ROS1: variants seen among roughly 807,000 people sequenced by gnomAD.
The protein encoded by ROS1 is proto-oncogene tyrosine-protein kinase ROS.
ROS1 carries 263 observed loss-of-function variants against 273.5 expected under a neutral mutation model. The observed-to-expected ratio is 0.96, with a 90% CI of 0.87 to 1.06. ROS1 has a LOEUF of 1.06. ROS1 is among the 50% of genes least tolerant of loss of function. The pLI, the probability that ROS1 is intolerant of heterozygous loss-of-function variation, is 0.00. For synonymous variants in ROS1, 1,008 were observed against 954.1 expected (o/e 1.06, Z -1.04); for missense variants, 2,833 against 2,751.1 (o/e 1.03, Z -0.67).
chr6:117,313,185 G>A (rs977926762), intron 39 of ROS1, among the ~76,000 whole-genome samples: 4 of 152,134 alleles, frequency 2.6e-5, no homozygotes, highest in Admixed American at 6.5e-5. Context: ...TTATCTGGAA[G>A]GCAGCACATT....
intron 18 of ROS1, among the ~76,000 whole-genome samples, chr6:117,369,699 A>C (rs554411907): frequency 1.3e-5 from 2 of 152,272 alleles, no homozygotes; most frequent in African/African-American, 4.8e-5. Flanking sequence ...TTGTTTTGGC[A>C]ATCAGATTGT....
intron 42 of ROS1, among the ~76,000 whole-genome samples, chr6:117,302,700 T>C (rs1016829863): frequency 6.6e-6 from 1 of 152,154 alleles, no homozygotes; most frequent in Non-Finnish European, 1.5e-5. Context: ...TCACCCAATA[T>C]AGGAAACAAA....
chr6:117,405,357 C>T (rs1169442863), intron 5 of ROS1, among the ~76,000 whole-genome samples: 1 of 152,204 alleles, frequency 6.6e-6, no homozygotes, highest in Non-Finnish European at 1.5e-5. Context: ...AGGCCTAGCA[C>T]AACCCTTCTC....
chr6:117,340,706 G>T (rs1027164179), intron 31 of ROS1, among the ~76,000 whole-genome samples: 2 of 152,088 alleles, frequency 1.3e-5, no homozygotes, highest in African/African-American at 2.4e-5. Context: ...GAATAAGCTG[G>T]TTTTATGGTT....
rs565270225 is a variant in ROS1 at position 117,398,526 on chromosome 6, A to G, written c.605-1410T>C. 2.0e-5 allele frequency among the ~76,000 whole-genome samples: 3 copies of G among 152,154 alleles called. No homozygotes were observed. The East Asian group carries it at 5.8e-4, about 29-fold the overall frequency. ...AAAACCCATCTCTACTAAAATTACA[A>G]AAATTAGCCAGGCATGGTGGCGCAT... On this transcript the variant is annotated intron_variant, in intron 7 of 43. Coordinates refer to ENST00000368507, the MANE Select transcript of ROS1 (RefSeq NM_001378902.1).
chr6:117,328,874 C>T lies in ROS1; in HGVS notation c.5348+455G>A, dbSNP rs185769004. The T allele has an allele frequency of 1.9e-3, 1,142 of 612,846 alleles. 4 individuals carry two copies. Among genetic ancestry groups the T allele is most frequent in the Non-Finnish European group, 3.1e-3 (955 of 308,958 alleles). 38.0% of individuals were successfully genotyped at this position (612,846 alleles called of 1,614,324 possible). On this transcript the variant is annotated intron_variant, in intron 33 of 43. Transcript: ENST00000368507. ...AATACAGAATCCTGTGTGACCTCTA[C>T]ACTTCAGACCATTTCAGAACCTGAC...
At chr6:117,408,371 A>C (rs935029542) in intron 5 of ROS1, among the ~76,000 whole-genome samples, 11 of 152,208 alleles carry the variant, frequency 7.2e-5, no homozygotes, top group African/African-American at 2.7e-4. Context: ...TTACAAGAAA[A>C]AAACAAACAA....
chr6:117,425,711 A>G lies in ROS1; in HGVS notation c.-55T>C, dbSNP rs1473265015. ...CCGGTCTAATTTTCTCCATTTTGCT[A>G]TATGAATTATTTGGGCTTCATCACT... On this transcript the variant is annotated 5_prime_UTR_variant, in exon 1 of 44. Coordinates refer to ENST00000368507, the MANE Select transcript of ROS1 (RefSeq NM_001378902.1). 20 of 1,593,680 alleles carry G rather than the reference A, an allele frequency of 1.3e-5. No individual in the cohort carries two copies. The highest frequency in any genetic ancestry group is 2.2e-5 in the East Asian group (1 of 44,452).
In ROS1 at chr6:117,379,059, C is replaced by T. The variant is rs979014772; in HGVS notation, c.2582G>A (p.Ser861Asn). The change falls in exon 18 of 44, where the codon AGC becomes AAC. Residue 861 changes from serine (S) to asparagine (N), a missense_variant and splice_region_variant. Coordinates refer to ENST00000368507, the MANE Select transcript of ROS1 (RefSeq NM_001378902.1). ...HLYTAVLRGQ[S>N]TGDTTITEFA... ...ATTGCCTTTGAGGGACTCTACTTAC[C>T]TCTGTCCCCGAAGAACAGCTGTGTA... 3.1e-6 allele frequency: 5 copies of T among 1,595,610 alleles called. No individual in the cohort carries two copies. In the African/African-American group the frequency reaches 4.0e-5, roughly 13 times the overall value.
chr6:117,321,517 A>C (rs560744727), intron 35 of ROS1, 123 bp from the exon 36 acceptor site: 108 of 774,646 alleles, frequency 1.4e-4, no homozygotes, highest in Non-Finnish European at 2.0e-4. Flanking sequence ...ATAGTTATAG[A>C]AGTTTTCATA....
At chr6:117,402,515 A>G (rs780246687) in intron 7 of ROS1, among the ~76,000 whole-genome samples, 36 of 152,266 alleles carry the variant, frequency 2.4e-4, no homozygotes, top group Non-Finnish European at 4.4e-4. Flanking sequence ...TCCTCTTACT[A>G]TAGCACACAG....
At position 117,320,025 on chromosome 6, in the gene ROS1, A is replaced by G; in HGVS notation, c.5765T>C (p.Leu1922Pro). The change falls in exon 37 of 44, where the codon CTT (leucine) becomes CCT (proline). Residue 1922 changes from leucine to proline, a missense_variant. Transcript: ENST00000368507. ...ATTTTCAATCTCCTCTTGGGTTGGA[A>G]GAGTACTGTAAAATAGCAACATTTT... ...LANACYAIHT[L>P]PTQEEIENLP... The G allele has an allele frequency of 6.2e-7, 1 of 1,612,990 alleles. No individual in the cohort carries two copies. Among genetic ancestry groups the G allele is most frequent in the Non-Finnish European group, 8.5e-7 (1 of 1,179,372 alleles).
Position 117,389,381 on chromosome 6 carries a change from T to C in ROS1, c.1755A>G (p.Gln585=), listed in dbSNP as rs766793201. The C allele has an allele frequency of 7.4e-6, 12 of 1,613,920 alleles. No individual in the cohort carries two copies. The highest frequency in any genetic ancestry group is 1.6e-4 in the Middle Eastern group (1 of 6,084). ...CTATGGCAAGGGCAGGAGGCTTCCA[T>C]TGAACAAGAGCCTGGTGAGAGCCAA... ...VLFGSHQALV[Q]WKPPALAIGA... Residue 585 remains glutamine (Q), a synonymous_variant, in exon 13 of 44, where the codon CAA becomes CAG. Coordinates refer to ENST00000368507, the MANE Select transcript of ROS1 (RefSeq NM_001378902.1).
chr6:117,370,269 C>T (rs1315111375), intron 18 of ROS1, among the ~76,000 whole-genome samples: 2 of 152,196 alleles, frequency 1.3e-5, no homozygotes, highest in Non-Finnish European at 2.9e-5. Flanking sequence ...TTGCAGAGCA[C>T]TGACACATCC....
At chr6:117,405,131 TA>T (rs1330280577) in intron 5 of ROS1, among the ~76,000 whole-genome samples, 2 of 152,212 alleles carry the variant, frequency 1.3e-5, no homozygotes, top group Non-Finnish European at 2.9e-5. Flanking sequence ...TGCTTTCTTT[TA>T]TAGAAACAAA....
In ROS1 at chr6:117,425,584, C is replaced by T. The variant is rs776025396; in HGVS notation, c.73G>A (p.Val25Met). 6.2e-7 allele frequency: 1 copy of T among 1,612,426 alleles called. No homozygotes were observed. The highest frequency in any genetic ancestry group is 1.1e-5 in the South Asian group (1 of 90,548). Residue 25 changes from valine (V) to methionine (M), a missense_variant, in exon 1 of 44, where the codon GTG (valine) becomes ATG (methionine). Val to Met is a conservative substitution (Grantham distance 21). Transcript: ENST00000368507. ...ATLGCLWISVVQCTVLNSCLK... is the reference protein window; with the variant it reads ...ATLGCLWISVMQCTVLNSCLK... ...CAGCTATTTAAAACTGTACACTGCACCACAGAAATCCATAGGCAGCCAAGA... is the reference window on the plus strand; with the variant it reads ...CAGCTATTTAAAACTGTACACTGCATCACAGAAATCCATAGGCAGCCAAGA...
intron 19 of ROS1, 147 bp from the exon 20 acceptor site, chr6:117,365,888 T>C (rs1780178268): frequency 1.1e-6 from 1 of 920,196 alleles, no homozygotes; most frequent in Non-Finnish European, 1.6e-6. Flanking sequence ...AAAAAAATCA[T>C]CTTTTTCTGA....
Position 117,288,462 on chromosome 6 carries a change from T to C in ROS1, c.*30A>G. On this transcript the variant is annotated 3_prime_UTR_variant, in exon 44 of 44. Transcript: ENST00000368507. ...AGTAACTACTGAATGAGAGTGTTTA[T>C]CTCAACTCTCTATTTCCCAAACAAC... 3 of 1,548,626 alleles carry C rather than the reference T, an allele frequency of 1.9e-6. No individual in the cohort carries two copies. The highest frequency in any genetic ancestry group is 1.8e-6 in the Non-Finnish European group (2 of 1,137,470).
chr6:117,401,673 C>A (rs1478400945), intron 7 of ROS1, among the ~76,000 whole-genome samples: 1 of 152,038 alleles, frequency 6.6e-6, no homozygotes, highest in East Asian at 1.9e-4. Flanking sequence ...AGGATTTTAT[C>A]ATCTTTAGTT....
Sources: allele counts gnomAD v4.1 joint callset (sites outside exome capture counted in the v4.1 genomes callset), GRCh38; gene constraint gnomAD v4.1.1; transcripts MANE v1.5; gene names NCBI Gene and HGNC (gene_info 2026-07-23, HGNC 2026-07-21).